KIAA1217: variants seen among roughly 807,000 people sequenced by gnomAD.
The protein encoded by KIAA1217 is sickle tail protein homolog.
KIAA1217 carries 88 observed loss-of-function variants against 163.9 expected under a neutral mutation model. The ratio of observed to expected loss-of-function variants is 0.54; its 90% confidence interval spans 0.45 to 0.64. The LOEUF is 0.64. KIAA1217 is among the 30% of genes least tolerant of loss of function. The pLI, the probability that KIAA1217 is intolerant of heterozygous loss-of-function variation, is 0.00. For missense variants in KIAA1217, 2,372 were observed against 2,475.0 expected (o/e 0.96, Z 0.88); for synonymous variants, 903 against 923.1 (o/e 0.98, Z 0.39).
At chr10:23,809,195 T>C (rs1340719473) in intron 1 of KIAA1217, among the ~76,000 whole-genome samples, 2 of 151,568 alleles carry the variant, frequency 1.3e-5, no homozygotes, top group East Asian at 3.9e-4. Context: ...ATAAATAACA[T>C]CATAAAAGCA....
chr10:24,328,603 C>A (rs2045256057), intron 2 of KIAA1217, among the ~76,000 whole-genome samples: 1 of 151,540 alleles, frequency 6.6e-6, no homozygotes, highest in Non-Finnish European at 1.5e-5. Flanking sequence ...TTTTTATTTA[C>A]TAGGAATAAA....
At chr10:24,447,209 C>CT (rs947304629) in intron 5 of KIAA1217, among the ~76,000 whole-genome samples, 17 of 151,418 alleles carry the variant, frequency 1.1e-4, no homozygotes, top group East Asian at 5.8e-4. Flanking sequence ...CCATTTTATT[C>CT]TTTTTTTAAT....
intron 5 of KIAA1217, chr10:24,466,818 A>T (rs1353003601): frequency 5.1e-6 from 5 of 982,976 alleles, no homozygotes; most frequent in Admixed American, 6.2e-5. Flanking sequence ...TTTGAGGGTG[A>T]AAGAGTGTCT....
At position 24,429,531 on chromosome 10, in the gene KIAA1217, G is replaced by A. The variant is rs185748106; in HGVS notation, c.554-3464G>A. Among the ~76,000 whole-genome samples the A allele has an allele frequency of 4.1e-3, 625 of 152,052 alleles. 9 individuals carry two copies. The highest frequency in any genetic ancestry group is 0.014 in the African/African-American group (597 of 41,486). ...GTCTCTTTTTTTCGGAGGGGAGGTG[G>A]CCTCCACTTTCTGAGATTGCGTCAA... is the stretch of plus-strand genomic sequence containing the variant. On this transcript the variant is annotated intron_variant, in intron 3 of 20. Coordinates refer to ENST00000376454, the MANE Select transcript of KIAA1217 (RefSeq NM_019590.5).
chr10:24,207,493 C>T (rs2067628379), upstream of KIAA1217, among the ~76,000 whole-genome samples: 1 of 152,174 alleles, frequency 6.6e-6, no homozygotes, highest in Admixed American at 6.5e-5. Context: ...ATTCATCTGG[C>T]CTTTGCCCAG....
chr10:24,270,469 T>C (rs955871876), intron 2 of KIAA1217, among the ~76,000 whole-genome samples: 12 of 152,266 alleles, frequency 7.9e-5, no homozygotes, highest in African/African-American at 2.7e-4. Context: ...TCCATCTTTC[T>C]TATTTTCATC....
chr10:24,032,173 A>G (rs1301170949), intron 2 of KIAA1217, among the ~76,000 whole-genome samples: 1 of 152,226 alleles, frequency 6.6e-6, no homozygotes, highest in Non-Finnish European at 1.5e-5. Context: ...TTGAAATTAT[A>G]CCAATGAAAT....
At chr10:24,133,706 A>G (rs1453463576) in intron 2 of KIAA1217, among the ~76,000 whole-genome samples, 1 of 152,184 alleles carries the variant, frequency 6.6e-6, no homozygotes, top group African/African-American at 2.4e-5. Flanking sequence ...ACAGCCAAAC[A>G]TATTCTTTAT....
At chr10:24,281,504 C>G (rs1043426191) in intron 2 of KIAA1217, among the ~76,000 whole-genome samples, 1 of 152,180 alleles carries the variant, frequency 6.6e-6, no homozygotes, top group Non-Finnish European at 1.5e-5. Flanking sequence ...CTCAGTGAGA[C>G]TGTTTCATAT....
chr10:23,754,112 T>C (rs895604782), intron 1 of KIAA1217, among the ~76,000 whole-genome samples: 4 of 152,288 alleles, frequency 2.6e-5, no homozygotes, highest in African/African-American at 4.8e-5. Flanking sequence ...AGCACCTGGG[T>C]AGCAGCCAGT....
At chr10:24,211,900 T>A (rs1443595586) in intron 1 of KIAA1217, among the ~76,000 whole-genome samples, 5 of 151,474 alleles carry the variant, frequency 3.3e-5, no homozygotes, top group Admixed American at 1.3e-4. Flanking sequence ...GAAAAAAAAA[T>A]TTAGCTAGGC....
chr10:24,496,428 G>A (rs1382042994), intron 8 of KIAA1217, among the ~76,000 whole-genome samples: 3 of 152,238 alleles, frequency 2.0e-5, no homozygotes, highest in African/African-American at 7.2e-5. Flanking sequence ...GAGAAGAAAG[G>A]AAACTACTAA....
chr10:24,228,615 G>A (rs574147579), intron 2 of KIAA1217, among the ~76,000 whole-genome samples: 2 of 152,198 alleles, frequency 1.3e-5, no homozygotes, highest in East Asian at 3.9e-4. Flanking sequence ...CAGAGCTGAT[G>A]GGTTGTATAC....
intron 1 of KIAA1217, among the ~76,000 whole-genome samples, chr10:23,754,415 C>T (rs1234900877): frequency 6.6e-6 from 1 of 152,198 alleles, no homozygotes; most frequent in East Asian, 1.9e-4. Context: ...CAGACTGAAG[C>T]TTTGCTAGAA....
At chr10:23,730,009 G>C (rs1364497839) in intron 1 of KIAA1217, among the ~76,000 whole-genome samples, 1 of 151,490 alleles carries the variant, frequency 6.6e-6, no homozygotes, top group African/African-American at 2.4e-5. Context: ...TCACACCATT[G>C]TCCTGCCTCA....
chr10:24,515,963 C>T (rs2070069665), intron 10 of KIAA1217, among the ~76,000 whole-genome samples: 1 of 152,188 alleles, frequency 6.6e-6, no homozygotes, highest in African/African-American at 2.4e-5. Context: ...CTCAGCTACT[C>T]AGGAGGCTGA....
chr10:24,431,340 C>G (rs1388951308), intron 3 of KIAA1217, among the ~76,000 whole-genome samples: 1 of 152,208 alleles, frequency 6.6e-6, no homozygotes, highest in Non-Finnish European at 1.5e-5. Context: ...TTGTGGATAT[C>G]CTGTTTCAGT....
At chr10:23,955,598 G>A (rs1349197141) in intron 1 of KIAA1217, among the ~76,000 whole-genome samples, 1 of 152,184 alleles carries the variant, frequency 6.6e-6, no homozygotes, top group East Asian at 1.9e-4. Flanking sequence ...GTCTGTAGCT[G>A]GTAGGTCGTC....
At chr10:24,477,325 C>G (rs2064156091) in intron 6 of KIAA1217, among the ~76,000 whole-genome samples, 1 of 152,204 alleles carries the variant, frequency 6.6e-6, no homozygotes, top group African/African-American at 2.4e-5. Context: ...TATGTACTAT[C>G]ATCATCTCCT....
Sources: gnomAD v4.1 joint callset for allele counts (sites outside exome capture counted in the v4.1 genomes callset) on GRCh38, gnomAD v4.1.1 for gene constraint, MANE v1.5 for transcripts, NCBI Gene and HGNC (gene_info 2026-07-23, HGNC 2026-07-21) for gene names.